TNNI3K: variants seen among roughly 807,000 people sequenced by gnomAD.
TNNI3K encodes serine/threonine-protein kinase TNNI3K.
TNNI3K carries 140 observed loss-of-function variants against 114.5 expected under a neutral mutation model. The ratio of observed to expected loss-of-function variants is 1.22; its 90% CI spans 1.07 to 1.41. The LOEUF (loss-of-function observed/expected upper bound fraction) is 1.41. Ranked by LOEUF, TNNI3K falls within the 40% of genes most tolerant of loss-of-function variation. The pLI, the probability that TNNI3K is intolerant of heterozygous loss-of-function variation, is 0.00. For missense variants in TNNI3K, 1,125 were observed against 1,007.6 expected (o/e 1.12, Z -1.58); for synonymous variants, 347 against 347.5 (o/e 1.00, Z 0.02).
chr1:74,470,415 G>A (rs530501031), intron 21 of TNNI3K: 25 of 400,574 alleles, frequency 6.2e-5, no homozygotes, highest in South Asian at 1.3e-4. Context: ...CTTCAGTGCC[G>A]TCATTTCTGG....
chr1:74,283,497 T>C (rs1352705275), intron 5 of TNNI3K, among the ~76,000 whole-genome samples: 1 of 152,208 alleles, frequency 6.6e-6, no homozygotes, highest in Non-Finnish European at 1.5e-5. Flanking sequence ...TTATTAAACA[T>C]TAAGTATTGC....
At chr1:74,267,549 A>T (rs1656075891) in intron 4 of TNNI3K, among the ~76,000 whole-genome samples, 1 of 151,920 alleles carries the variant, frequency 6.6e-6, no homozygotes, top group Non-Finnish European at 1.5e-5. Flanking sequence ...GTTAATAATT[A>T]TTTTCTCTCA....
chr1:74,255,276 C>T (rs958709421), intron 4 of TNNI3K, among the ~76,000 whole-genome samples: 1 of 149,942 alleles, frequency 6.7e-6, no homozygotes, highest in Non-Finnish European at 1.5e-5. Flanking sequence ...ATGGCGTGAA[C>T]CCGGGAGGCG....
At chr1:74,352,368 G>A (rs1661404225) in intron 9 of TNNI3K, among the ~76,000 whole-genome samples, 1 of 152,206 alleles carries the variant, frequency 6.6e-6, no homozygotes, top group Non-Finnish European at 1.5e-5. Flanking sequence ...TGAGGTGTCA[G>A]TCTGCCCCTA....
At chr1:74,258,606 A>G (rs905201764) in intron 4 of TNNI3K, among the ~76,000 whole-genome samples, 6 of 152,180 alleles carry the variant, frequency 3.9e-5, no homozygotes, top group Non-Finnish European at 8.8e-5. Context: ...TGCTTCCAAA[A>G]TGATCAGAAT....
At chr1:74,391,954 A>ATTTTTTTTTTTTTTTTTTTTTTTTTTT (rs1557539031) in intron 17 of TNNI3K, among the ~76,000 whole-genome samples, 1 of 93,260 alleles carries the variant, frequency 1.1e-5, no homozygotes, top group African/African-American at 5.7e-5. Flanking sequence ...GGTACAGCTT[A>ATTTTTTTTTTTTTTTTTTTTTTTTTTT]TTATTTTTTT....
At chr1:74,317,121 T>C (rs531445044) in intron 5 of TNNI3K, among the ~76,000 whole-genome samples, 37 of 152,334 alleles carry the variant, frequency 2.4e-4, no homozygotes, top group African/African-American at 8.4e-4. Context: ...AACTTTGTTT[T>C]TGTTTTTCGT....
At position 74,402,398 on chromosome 1, in the gene TNNI3K, A is replaced by C. The variant is rs45450800; in HGVS notation, c.1772+32006A>C. 6.4e-3 allele frequency among the ~76,000 whole-genome samples: 980 copies of C among 152,288 alleles called. 9 individuals are homozygous for C. The highest frequency in any genetic ancestry group is 0.023 in the African/African-American group (942 of 41,558). On this transcript the variant is annotated intron_variant, in intron 17 of 24. Coordinates refer to ENST00000326637, the MANE Select transcript of TNNI3K (RefSeq NM_015978.3). ...CTACCTCCAAAACCCACTGAAAAAA[A>C]TGTGTTTCTGGTTTGGACCATTTGG...
At chr1:74,488,264 A>T (rs1174430485) in intron 21 of TNNI3K, among the ~76,000 whole-genome samples, 1 of 152,080 alleles carries the variant, frequency 6.6e-6, no homozygotes, top group Non-Finnish European at 1.5e-5. Context: ...CACTGCTCCC[A>T]CTGCTCCCAC....
intron 23 of TNNI3K, among the ~76,000 whole-genome samples, chr1:74,533,864 AG>A: frequency 6.6e-6 from 1 of 152,340 alleles, no homozygotes; most frequent in Middle Eastern, 3.4e-3. Flanking sequence ...TTGAACAATG[AG>A]AAGACATGTG....
intron 2 of TNNI3K, chr1:74,240,237 C>A (rs898898980): frequency 3.2e-5 from 6 of 187,582 alleles, no homozygotes; most frequent in Non-Finnish European, 5.7e-5. Flanking sequence ...TTAGGGCTTA[C>A]CATATGCCAG....
At chr1:74,269,331 C>T (rs1372859382) in intron 4 of TNNI3K, among the ~76,000 whole-genome samples, 3 of 151,866 alleles carry the variant, frequency 2.0e-5, no homozygotes, top group African/African-American at 7.2e-5. Flanking sequence ...ACTATCTTTA[C>T]TCACTGCAGT....
chr1:74,511,009 TC>T (rs1234506808), intron 23 of TNNI3K, among the ~76,000 whole-genome samples: 1 of 152,002 alleles, frequency 6.6e-6, no homozygotes, highest in Non-Finnish European at 1.5e-5. Flanking sequence ...TGCCTCAGCC[TC>T]CCAAGTAGCT....
At chr1:74,282,686 T>G (rs1290574597) in intron 5 of TNNI3K, among the ~76,000 whole-genome samples, 16 of 152,296 alleles carry the variant, frequency 1.1e-4, no homozygotes, top group Admixed American at 7.8e-4. Flanking sequence ...AAATGTCATG[T>G]TGAATCTGTA....
intron 23 of TNNI3K, among the ~76,000 whole-genome samples, chr1:74,530,807 G>A (rs1395925628): frequency 6.6e-6 from 1 of 151,582 alleles, no homozygotes; most frequent in Non-Finnish European, 1.5e-5. Flanking sequence ...CTCAGTTTTA[G>A]CAGTCAAGGC....
intron 4 of TNNI3K, among the ~76,000 whole-genome samples, chr1:74,253,115 A>G (rs1655046555): frequency 6.6e-6 from 1 of 152,190 alleles, no homozygotes; most frequent in African/African-American, 2.4e-5. Context: ...CAGAGTGCCA[A>G]TTGGTGCATC....
rs771437081 is a variant in TNNI3K at position 74,271,702 on chromosome 1, C to T, written c.438C>T (p.His146=). 1.9e-6 allele frequency: 3 copies of T among 1,605,510 alleles called. No individual in the cohort carries two copies. The highest frequency in any genetic ancestry group is 2.2e-5 in the East Asian group (1 of 44,624). ...TALHIATIAG[H]LEAADVLLQH... Reference sequence around the variant, plus strand: ...TCCATATTGCTACAATAGCTGGCCACCTAGAGGTAAGTCATGCCTTTGGCA... The same window carrying T: ...TCCATATTGCTACAATAGCTGGCCATCTAGAGGTAAGTCATGCCTTTGGCA... Residue 146 remains histidine (H), a synonymous_variant, in exon 5 of 25, where the codon CAC becomes CAT. Coordinates refer to ENST00000326637, the MANE Select transcript of TNNI3K (RefSeq NM_015978.3).
intron 21 of TNNI3K, chr1:74,483,435 CT>C: frequency 1.4e-6 from 1 of 692,078 alleles, no homozygotes; most frequent in Non-Finnish European, 2.7e-6. Context: ...TCCATTATTT[CT>C]GTACATACAG....
At chr1:74,405,730 T>G (rs1441922395) in intron 17 of TNNI3K, among the ~76,000 whole-genome samples, 2 of 152,140 alleles carry the variant, frequency 1.3e-5, no homozygotes, top group Non-Finnish European at 2.9e-5. Flanking sequence ...ATAAACATGA[T>G]TTCCTATGAT....
Sources: gnomAD v4.1 joint callset for allele counts (sites outside exome capture counted in the v4.1 genomes callset) on GRCh38, gnomAD v4.1.1 for gene constraint, MANE v1.5 for transcripts, NCBI Gene and HGNC (gene_info 2026-07-23, HGNC 2026-07-21) for gene names.